The following EIF2D variants were observed in gnomAD, a reference collection of about 807,000 sequenced individuals.
EIF2D encodes hepatocellular carcinoma-associated antigen 56.
Under a neutral mutation model 77.4 loss-of-function variants are expected in EIF2D, and 56 were observed. The ratio of observed to expected loss-of-function variants is 0.72; its 90% CI spans 0.58 to 0.90. The LOEUF (loss-of-function observed/expected upper bound fraction) is 0.90, where lower values mean the gene tolerates loss of function less well. EIF2D is among the 40% of genes least tolerant of loss of function. The probability of loss-of-function intolerance (pLI) is 0.00; values close to 1 mark genes in which losing one functional copy is unlikely to be tolerated. For synonymous variants in EIF2D, 230 were observed against 271.0 expected, an observed-to-expected ratio of 0.85 and a Z score of 1.49; for missense variants, 574 against 706.5, an observed-to-expected ratio of 0.81 and a Z score of 2.13.
intron 6 of EIF2D, chr1:206,602,729 G>T: frequency 1.4e-6 from 1 of 709,208 alleles, no homozygotes; most frequent in Non-Finnish European, 2.3e-6. Flanking sequence ...CTGAAGACAG[G>T]CAAATGCCAG....
chr1:206,586,781 T>C (rs782308681), downstream of EIF2D: 13 of 1,501,734 alleles, frequency 8.7e-6, no homozygotes, highest in Middle Eastern at 3.5e-4. Flanking sequence ...TTCTAACCTG[T>C]CTCCTATTCT....
intron 4 of EIF2D, among the ~76,000 whole-genome samples, chr1:206,607,151 C>T (rs1670238072): frequency 6.6e-6 from 1 of 151,800 alleles, no homozygotes; most frequent in Non-Finnish European, 1.5e-5. Context: ...ATTTAACACA[C>T]AGTTAAAGTT....
intron 7 of EIF2D, 33 bp downstream of exon 7, chr1:206,602,303 C>T: frequency 6.3e-7 from 1 of 1,589,164 alleles, no homozygotes; most frequent in African/African-American, 1.3e-5. Context: ...GACCCCGGCC[C>T]CGGCCTCCAG....
rs782364984 is a variant in EIF2D at position 206,599,659 on chromosome 1, C to G, written c.1053-47G>C. 1 of 1,609,058 alleles carries G rather than the reference C, an allele frequency of 6.2e-7. No individual in the cohort carries two copies. The highest frequency in any genetic ancestry group is 8.5e-7 in the Non-Finnish European group (1 of 1,178,016). On this transcript the variant is annotated intron_variant, in intron 9 of 14. Transcript: ENST00000271764. The surrounding 1 kb of genome is among the most constrained non-coding windows in gnomAD (Gnocchi z 4.1). The stretch of plus-strand genomic sequence containing the variant: ...GAAAAAACACATTTTATACTAGCAT[C>G]TCAGCAATCCCCAGTCCGTGGCCCA...
intron 4 of EIF2D, among the ~76,000 whole-genome samples, chr1:206,606,409 G>C (rs537343574): frequency 5.3e-4 from 80 of 152,198 alleles, no homozygotes; most frequent in African/African-American, 1.9e-3. Flanking sequence ...CTCCAGTCTT[G>C]AACATGACTT....
chr1:206,583,170 T>G (rs1668961192), intron 2 of EIF2D: 1 of 780,022 alleles, frequency 1.3e-6, no homozygotes, highest in Non-Finnish European at 2.3e-6. Context: ...GGCTGGATGC[T>G]CACTTCTTGG....
intron 5 of EIF2D, 114 bp from the exon 6 acceptor site, chr1:206,603,318 G>A: frequency 2.1e-6 from 3 of 1,419,674 alleles, no homozygotes. Context: ...AGGCAGGAGT[G>A]GCCAGGAGGG....
At chr1:206,598,414 A>G (rs541378871) in intron 11 of EIF2D, among the ~76,000 whole-genome samples, 42 of 152,318 alleles carry the variant, frequency 2.8e-4, no homozygotes, top group African/African-American at 9.6e-4. Flanking sequence ...AGAAAATAAT[A>G]CCATAATGGG....
At position 206,609,547 on chromosome 1, in the gene EIF2D, T is replaced by C. The variant is rs569829814; in HGVS notation, c.248-88A>G. Reference sequence around the variant, plus strand: ...AAACCTAACACTATGGTCACTTTAATTAGAATACAGGAAAGAAACTCAACT... The same window carrying C: ...AAACCTAACACTATGGTCACTTTAACTAGAATACAGGAAAGAAACTCAACT... On this transcript the variant is annotated intron_variant, in intron 2 of 14. Coordinates refer to ENST00000271764, the MANE Select transcript of EIF2D (RefSeq NM_006893.3). 1.0e-4 allele frequency: 111 copies of C among 1,068,876 alleles called. 2 individuals are homozygous for C. The South Asian group carries it at 1.6e-3, about 16-fold the overall frequency. 66.2% of individuals were successfully genotyped at this position (1,068,876 alleles called of 1,614,324 possible).
intron 4 of EIF2D, among the ~76,000 whole-genome samples, chr1:206,580,329 C>T (rs901172400): frequency 1.1e-4 from 17 of 152,140 alleles, no homozygotes; most frequent in Admixed American, 9.2e-4. Context: ...GAGATCTTTC[C>T]GAAGCTTCTA....
intron 4 of EIF2D, among the ~76,000 whole-genome samples, chr1:206,577,280 A>G (rs1319953135): frequency 6.6e-6 from 1 of 152,178 alleles, no homozygotes; most frequent in Non-Finnish European, 1.5e-5. Flanking sequence ...AAAGGAATTA[A>G]CAAACTCTAT....
chr1:206,583,544 T>A (rs1423971091), intron 2 of EIF2D: 7 of 606,238 alleles, frequency 1.2e-5, no homozygotes, highest in Non-Finnish European at 1.8e-5. Flanking sequence ...GCCAGAGCCC[T>A]CAGTGGCCTC....
In EIF2D at chr1:206,592,813, G is replaced by A. The variant is rs1347534130; in HGVS notation, c.1684+806C>T. Among the ~76,000 whole-genome samples, 3 of 152,144 alleles carry A rather than the reference G, an allele frequency of 2.0e-5. No individual in the cohort carries two copies. The highest frequency in any genetic ancestry group is 4.4e-5 in the Non-Finnish European group (3 of 68,022). Reference sequence around the variant, plus strand: ...ACCCAGAGTTAGTAGAAAGAACTTAGGCTTTAGGCCAGGCATGGTGGCTCA... The same window carrying A: ...ACCCAGAGTTAGTAGAAAGAACTTAAGCTTTAGGCCAGGCATGGTGGCTCA... On this transcript the variant is annotated intron_variant, in intron 14 of 14. Transcript: ENST00000271764. This position sits in a 1 kb window ranked among gnomAD's most constrained non-coding sequence, Gnocchi z 4.7.
At chr1:206,586,957 A>C, downstream of EIF2D, 3 of 1,614,154 alleles carry the variant, frequency 1.9e-6, no homozygotes, top group Non-Finnish European at 2.5e-6. Context: ...CCTTAAGAGA[A>C]TCCCAGGGCA....
rs553060842 is a variant in EIF2D, at chr1:206,591,745, C to T, written c.*30G>A. On this transcript the variant is annotated 3_prime_UTR_variant, in exon 15 of 15. Transcript: ENST00000271764. ...ACCAGCCCAGAGCTTGGATTTCCAC[C>T]GGATCCACCACGTGAGACAAAAGAG... 6.0e-5 allele frequency: 96 copies of T among 1,607,624 alleles called. 1 individual carries two copies. In the South Asian group the frequency reaches 8.7e-4, roughly 15 times the overall value.
chr1:206,608,449 A>T (rs1223887792), intron 3 of EIF2D, 123 bp from the exon 4 acceptor site: 2 of 740,108 alleles, frequency 2.7e-6, no homozygotes. Flanking sequence ...TGTTTTTCAT[A>T]ATAAAAATGA....
intron 4 of EIF2D, among the ~76,000 whole-genome samples, chr1:206,606,556 T>G (rs1384669121): frequency 6.6e-6 from 1 of 152,094 alleles, no homozygotes; most frequent in Non-Finnish European, 1.5e-5. Context: ...GATAGAATAC[T>G]GGGGGAGAAA....
downstream of EIF2D, chr1:206,586,919 G>T: frequency 1.2e-6 from 2 of 1,614,200 alleles, no homozygotes; most frequent in South Asian, 1.1e-5. Flanking sequence ...AAAGAAGTAT[G>T]ACAAGTTTAG....
In EIF2D at chr1:206,593,666, A is replaced by C. The variant is rs1255400386; in HGVS notation, c.1637T>G (p.Val546Gly). 1 of 1,613,602 alleles carries C rather than the reference A, an allele frequency of 6.2e-7. No individual in the cohort carries two copies. The highest frequency in any genetic ancestry group is 1.3e-5 in the African/African-American group (1 of 74,886). Residue 546 changes from valine (V) to glycine (G), a missense_variant, in exon 14 of 15, where the codon GTG becomes GGG. Val to Gly is a moderately radical substitution (Grantham distance 109). Coordinates refer to ENST00000271764, the MANE Select transcript of EIF2D (RefSeq NM_006893.3). ...PAPGAKDSLQ[V>G]QIQGNQVHHL... ...GTGGACCTGGTTTCCCTGGATCTGC[A>C]CCTGAAGGCTGTCCTTGGCCCCAGG...
Sources: gnomAD v4.1 joint callset for allele counts (sites outside exome capture counted in the v4.1 genomes callset) on GRCh38, gnomAD v4.1.1 for gene constraint, Gnocchi (gnomAD v3.1) non-coding constraint, MANE v1.5 for transcripts, NCBI Gene and HGNC (gene_info 2026-07-23, HGNC 2026-07-21) for gene names.